Variants in ZNF16 observed in about 807,000 individuals in gnomAD.
ZNF16 encodes zinc finger protein 16.
In ZNF16, 7 loss-of-function variants were observed where a neutral mutation model predicts 9.0. That is an observed-to-expected ratio of 0.78 (90% confidence interval 0.44 to 1.47). The LOEUF (loss-of-function observed/expected upper bound fraction) is 1.47, where lower values mean the gene tolerates loss of function less well. Ranked by LOEUF, ZNF16 falls within the 40% of genes most tolerant of loss-of-function variation. The pLI is 0.01. For missense variants in ZNF16, 830 were observed against 854.2 expected, an observed-to-expected ratio of 0.97 and a Z score of 0.35; for synonymous variants, 312 against 301.5, an observed-to-expected ratio of 1.03 and a Z score of -0.36.
intron 2 of ZNF16, among the ~76,000 whole-genome samples, chr8:144,937,337 T>C (rs1452694492): frequency 1.3e-5 from 2 of 151,386 alleles, no homozygotes; most frequent in African/African-American, 4.9e-5. Context: ...GGTTTCGCCA[T>C]ATTGGCCAGG....
chr8:144,938,690 C>G (rs1462302229), intron 2 of ZNF16, among the ~76,000 whole-genome samples: 1 of 152,112 alleles, frequency 6.6e-6, no homozygotes, highest in Non-Finnish European at 1.5e-5. Flanking sequence ...GGATTCACAT[C>G]TTATGGAAAA....
chr8:144,941,202 C>T (rs150361179), intron 2 of ZNF16, among the ~76,000 whole-genome samples: 76 of 152,264 alleles, frequency 5.0e-4, no homozygotes, highest in Middle Eastern at 3.4e-3. Flanking sequence ...GCTATTTCTC[C>T]CTTCCAATCT....
chr8:144,931,479 A>C lies in ZNF16; in HGVS notation c.1308T>G (p.Ser436Arg). ...TCTGACTAAATGCTTTCCCACAGTC[A>C]CTGCACTTATAGGGCTTCTCTCCAG... ...VHTGEKPYKC[S>R]DCGKAFSQSS... The change falls in exon 3 of 3, where the codon AGT (serine) becomes AGG (arginine). Residue 436 changes from serine to arginine, a missense_variant. Physicochemically the swap from Ser to Arg is moderately radical, Grantham distance 110. Transcript: ENST00000394909. The C allele has an allele frequency of 4.3e-6, 7 of 1,614,022 alleles. No individual in the cohort carries two copies. Among genetic ancestry groups the C allele is most frequent in the Non-Finnish European group, 5.9e-6 (7 of 1,179,992 alleles).
In ZNF16 at chr8:144,930,972, T is replaced by C; in HGVS notation, c.1815A>G (p.Glu605=). 1 of 1,614,108 alleles carries C rather than the reference T, an allele frequency of 6.2e-7. No homozygotes were observed. Among genetic ancestry groups the C allele is most frequent in the Non-Finnish European group, 8.5e-7 (1 of 1,180,004 alleles). ...HTGEKPYTCV[E]CGKGFSQSSH... The stretch of plus-strand genomic sequence containing the variant: ...AGCTCTGGCTGAAGCCCTTACCACA[T>C]TCAACACAGGTGTAGGGTTTTTCCC... Residue 605 remains glutamate, a synonymous_variant, in exon 3 of 3, where the codon GAA becomes GAG. Coordinates refer to ENST00000394909, the MANE Select transcript of ZNF16 (RefSeq NM_006958.3).
intron 1 of ZNF16, among the ~76,000 whole-genome samples, chr8:144,949,429 C>T (rs1834038250): frequency 6.6e-6 from 1 of 152,236 alleles, no homozygotes; most frequent in African/African-American, 2.4e-5. Flanking sequence ...GGAACCACCC[C>T]ATCGCACTGC....
Position 144,932,082 on chromosome 8 carries a change from A to G in ZNF16, c.705T>C (p.Ala235=). 6.2e-7 allele frequency: 1 copy of G among 1,614,022 alleles called. No homozygotes were observed. Among genetic ancestry groups the G allele is most frequent in the Non-Finnish European group, 8.5e-7 (1 of 1,180,004 alleles). The change falls in exon 3 of 3, where the codon GCT becomes GCC. Residue 235 remains alanine (A), a synonymous_variant. Coordinates refer to ENST00000394909, the MANE Select transcript of ZNF16 (RefSeq NM_006958.3). The surrounding 1 kb of genome is among the most constrained non-coding windows in gnomAD (Gnocchi z 5.0). ...IQRQIVHTGE[A]SFMCDDCGKT... ...TCCCACAATCATCACACATAAAGGAAGCCTCCCCAGTGTGGACTATTTGAC... is the reference window on the plus strand; with the variant it reads ...TCCCACAATCATCACACATAAAGGAGGCCTCCCCAGTGTGGACTATTTGAC...
rs1472393628 is a variant in ZNF16 at position 144,947,262 on chromosome 8, G to A, written c.-9-1047C>T. Among the ~76,000 whole-genome samples the A allele has an allele frequency of 7.4e-4, 81 of 109,934 alleles. 5 individuals are homozygous for A. The highest frequency in any genetic ancestry group is 3.2e-3 in the African/African-American group (75 of 23,776). 72.1% of individuals were successfully genotyped at this position (109,934 alleles called of 152,430 possible). On this transcript the variant is annotated intron_variant, in intron 1 of 2. Transcript: ENST00000394909. ...CCTGCTGTGGGGCCTGTGTCCTGCT[G>A]TGGGGCCTGTACCCTGCTGTGGGGC...
chr8:144,947,271 GTACCCTGC>G (rs1833983141), intron 1 of ZNF16, among the ~76,000 whole-genome samples: 5 of 82,610 alleles, frequency 6.1e-5, no homozygotes, highest in African/African-American at 2.4e-4. Flanking sequence ...TGTGGGGCCT[GTACCCTGC>G]TGTGGGGCCT....
chr8:144,939,034 A>G (rs967234306), intron 2 of ZNF16, among the ~76,000 whole-genome samples: 7 of 152,178 alleles, frequency 4.6e-5, no homozygotes, highest in African/African-American at 1.7e-4. Context: ...GTGATGAATT[A>G]CAACACTAGG....
At position 144,932,976 on chromosome 8, in the gene ZNF16, G is replaced by A. The variant is rs1833594248; in HGVS notation, c.197-386C>T. 6.6e-6 allele frequency among the ~76,000 whole-genome samples: 1 copy of A among 152,168 alleles called. No homozygotes were observed. The highest frequency in any genetic ancestry group is 2.4e-5 in the African/African-American group (1 of 41,428). On this transcript the variant is annotated intron_variant, in intron 2 of 2. Coordinates refer to ENST00000394909, the MANE Select transcript of ZNF16 (RefSeq NM_006958.3). The surrounding 1 kb of genome is among the most constrained non-coding windows in gnomAD (Gnocchi z 5.0). ...ACCTCAGAGTGCAGCCCAAATCCAG[G>A]TGCTTCTCACTTCTCCCACCTGTAC...
intron 1 of ZNF16, among the ~76,000 whole-genome samples, chr8:144,949,931 T>G (rs75385346): frequency 6.6e-6 from 1 of 152,020 alleles, no homozygotes; most frequent in Admixed American, 6.6e-5. Context: ...GCAGTTGAGA[T>G]AGAGGAAGGC....
chr8:144,946,807 G>T (rs1833957109), intron 1 of ZNF16, among the ~76,000 whole-genome samples: 1 of 122,460 alleles, frequency 8.2e-6, no homozygotes, highest in African/African-American at 3.6e-5. Flanking sequence ...GTCCTGCTGT[G>T]GGGCTGTGTC....
At chr8:144,947,250 C>T (rs373379784) in intron 1 of ZNF16, among the ~76,000 whole-genome samples, 12 of 76,392 alleles carry the variant, frequency 1.6e-4, no homozygotes, top group African/African-American at 3.2e-4. Flanking sequence ...GCTGTGGGGC[C>T]TGTGTCCTGC....
intron 2 of ZNF16, among the ~76,000 whole-genome samples, chr8:144,941,654 A>T (rs1016682635): frequency 4.1e-4 from 60 of 147,268 alleles, no homozygotes; most frequent in African/African-American, 1.5e-3. Flanking sequence ...TTCTTGCCTT[A>T]CTTCTTGTGT....
At chr8:144,950,193 C>T (rs572679954) in intron 1 of ZNF16, among the ~76,000 whole-genome samples, 41 of 149,722 alleles carry the variant, frequency 2.7e-4, no homozygotes, top group African/African-American at 7.1e-4. Flanking sequence ...TGCTCACATG[C>T]TTTTTTTTGC....
intron 2 of ZNF16, among the ~76,000 whole-genome samples, chr8:144,935,516 T>A (rs1034082692): frequency 6.6e-6 from 1 of 152,154 alleles, no homozygotes; most frequent in South Asian, 2.1e-4. Context: ...AAAGAACATC[T>A]TTTTAAAAAG....
rs890686853 is a variant in ZNF16 at position 144,932,659 on chromosome 8, A to C, written c.197-69T>G. ...CAGGAGCAGGAACATAGACAGTCAC[A>C]GTTGCACCCACTAACTGTGGAGGAG... On this transcript the variant is annotated intron_variant, in intron 2 of 2. Transcript: ENST00000394909. The surrounding 1 kb of genome is among the most constrained non-coding windows in gnomAD (Gnocchi z 5.0). 4 of 1,525,424 alleles carry C rather than the reference A, an allele frequency of 2.6e-6. No individual in the cohort carries two copies. The Admixed American group carries it at 7.3e-5, about 28-fold the overall frequency. The allele number at this position is 1,525,424 out of a possible 1,614,324, so 94.5% of individuals were successfully genotyped here. A position where few individuals can be genotyped will look rare whatever the true frequency, so the allele number is the denominator to read the frequency against.
chr8:144,932,328 C>T lies in ZNF16; in HGVS notation c.459G>A (p.Leu153=). The change falls in exon 3 of 3, where the codon CTG becomes CTA. Residue 153 remains leucine (L), a synonymous_variant. Transcript: ENST00000394909. This position sits in a 1 kb window ranked among gnomAD's most constrained non-coding sequence, Gnocchi z 5.0. The part of the protein sequence containing the change: ...LLRGPLGEKD[L]DCNGFDSRFS... The stretch of plus-strand genomic sequence containing the variant: ...AGCGACTGTCAAAACCATTACAGTC[C>T]AGATCTTTCTCCCCTAAGGGGCCCC... The T allele has an allele frequency of 6.2e-7, 1 of 1,614,142 alleles. No individual in the cohort carries two copies. Among genetic ancestry groups the T allele is most frequent in the Non-Finnish European group, 8.5e-7 (1 of 1,180,030 alleles).
intron 2 of ZNF16, among the ~76,000 whole-genome samples, chr8:144,941,952 T>C (rs577104770): frequency 3.7e-4 from 55 of 150,092 alleles, no homozygotes; most frequent in Non-Finnish European, 6.4e-4. Flanking sequence ...CCACCGCGCC[T>C]GGCCTCTTGT....
Sources: gnomAD v4.1 joint callset for allele counts (sites outside exome capture counted in the v4.1 genomes callset) on GRCh38, gnomAD v4.1.1 for gene constraint, Gnocchi (gnomAD v3.1) non-coding constraint, MANE v1.5 for transcripts, NCBI Gene and HGNC (gene_info 2026-07-23, HGNC 2026-07-21) for gene names.